ACOT11: variants seen among roughly 807,000 people sequenced by gnomAD.
ACOT11 encodes acyl-CoA thioesterase 11.
Under a neutral mutation model 77.5 loss-of-function variants are expected in ACOT11, and 69 were observed. The observed-to-expected ratio is 0.89, with a 90% CI of 0.73 to 1.09. The LOEUF is 1.09. ACOT11 is among the 50% of genes least tolerant of loss of function. The pLI is 0.00. For missense variants in ACOT11, 766 were observed against 813.7 expected (o/e 0.94, Z 0.71); for synonymous variants, 279 against 313.0 (o/e 0.89, Z 1.15).
intron 13 of ACOT11, among the ~76,000 whole-genome samples, chr1:54,605,850 A>G (rs565705246): frequency 1.5e-4 from 23 of 152,324 alleles, no homozygotes; most frequent in Non-Finnish European, 2.9e-4. Context: ...GGAAAATAGC[A>G]AAATTTGTGT....
chr1:54,616,406 C>T (rs1337293297), intron 15 of ACOT11, among the ~76,000 whole-genome samples: 1 of 151,934 alleles, frequency 6.6e-6, no homozygotes, highest in East Asian at 1.9e-4. Flanking sequence ...CTCTATCGCC[C>T]AGGCTGGAGT....
chr1:54,568,291 G>A (rs991087218), intron 1 of ACOT11, among the ~76,000 whole-genome samples: 11 of 146,984 alleles, frequency 7.5e-5, no homozygotes, highest in Admixed American at 2.7e-4. Flanking sequence ...CCCTCTTCTT[G>A]TTCCTCTTTT....
downstream of ACOT11, chr1:54,610,919 T>G: frequency 1.0e-6 from 1 of 985,388 alleles, no homozygotes; most frequent in Non-Finnish European, 1.2e-6. Context: ...ATGAGGGGTT[T>G]GGATAGTGGC....
chr1:54,592,669 A>G (rs1030215422), intron 4 of ACOT11, 63 bp downstream of exon 4: 97 of 1,555,452 alleles, frequency 6.2e-5, no homozygotes, highest in Non-Finnish European at 7.7e-5. Context: ...TCCTCTCTCC[A>G]TTCTTCTCCC....
exon 17 of ACOT11, chr1:54,635,750 G>C (rs1030117088): frequency 6.5e-6 from 1 of 153,792 alleles, no homozygotes; most frequent in Non-Finnish European, 1.4e-5. Context: ...CGACTCCTGC[G>C]AGAGTCTCTT....
At chr1:54,594,425 C>G (rs889679617) in intron 5 of ACOT11, 131 bp from the exon 6 acceptor site, 7 of 1,231,056 alleles carry the variant, frequency 5.7e-6, no homozygotes, top group Non-Finnish European at 7.8e-6. Flanking sequence ...AGGGAGGAAG[C>G]CTTGGAACTG....
At chr1:54,594,881 A>G (rs1033425402) in intron 6 of ACOT11, among the ~76,000 whole-genome samples, 190 bp downstream of exon 6, 7 of 152,170 alleles carry the variant, frequency 4.6e-5, no homozygotes, top group Non-Finnish European at 7.3e-5. Context: ...GGGCCTCTCT[A>G]CCAGCTCCCA....
chr1:54,623,176 T>TA (rs113750458), intron 15 of ACOT11: 43,434 of 636,954 alleles, frequency 0.068, 206 homozygotes, highest in East Asian at 0.11. Context: ...AAACTCCGTC[T>TA]AAAAAAAAAA....
intron 1 of ACOT11, among the ~76,000 whole-genome samples, chr1:54,569,144 T>G (rs1031126200): frequency 1.4e-5 from 2 of 139,930 alleles, no homozygotes; most frequent in African/African-American, 5.4e-5. Flanking sequence ...TTTTTTTTTG[T>G]AGAGATGGGA....
At chr1:54,619,436 G>A (rs1485554833) in intron 15 of ACOT11, among the ~76,000 whole-genome samples, 2 of 152,138 alleles carry the variant, frequency 1.3e-5, no homozygotes, top group Non-Finnish European at 2.9e-5. Context: ...CCTGTGAAAT[G>A]TTACCCATGA....
At chr1:54,638,085 G>C (rs950294096) in exon 17 of ACOT11, 1 of 152,046 alleles carries the variant, frequency 6.6e-6, no homozygotes, top group Non-Finnish European at 1.5e-5. Context: ...GCATCCTAAA[G>C]TGCTGGGATT....
chr1:54,569,492 C>G (rs1653862593), intron 1 of ACOT11, among the ~76,000 whole-genome samples: 1 of 152,152 alleles, frequency 6.6e-6, no homozygotes, highest in Admixed American at 6.5e-5. Context: ...ACTCCTTGTT[C>G]CCTCTGTTTT....
chr1:54,585,716 G>C, intron 2 of ACOT11, 119 bp from the exon 3 acceptor site: 1 of 878,224 alleles, frequency 1.1e-6, no homozygotes, highest in Non-Finnish European at 1.8e-6. Context: ...AGCAGGGTGT[G>C]GTGGGAGTTG....
chr1:54,593,273 ATTTTAT>A (rs1200864202), intron 4 of ACOT11, among the ~76,000 whole-genome samples: 1 of 151,634 alleles, frequency 6.6e-6, no homozygotes, highest in Non-Finnish European at 1.5e-5. Context: ...TTGATTTTTT[ATTTTAT>A]TTTTATTATT....
downstream of ACOT11, chr1:54,611,714 C>G (rs375572721): frequency 7.4e-6 from 12 of 1,614,066 alleles, no homozygotes; most frequent in African/African-American, 1.5e-4. Flanking sequence ...GACATGGGGT[C>G]CGAGGCAGCC....
intron 15 of ACOT11, among the ~76,000 whole-genome samples, chr1:54,622,649 A>G (rs80201858): frequency 0.016 from 2,403 of 151,436 alleles, 32 homozygotes; most frequent in South Asian, 0.022. Flanking sequence ...TGAGGCAGGA[A>G]AACCACTTAG....
chr1:54,574,583 C>T (rs1474347019), intron 1 of ACOT11, among the ~76,000 whole-genome samples: 1 of 152,210 alleles, frequency 6.6e-6, no homozygotes, highest in Non-Finnish European at 1.5e-5. Flanking sequence ...TCCCATTTTA[C>T]AGATGAGGAA....
chr1:54,609,219 C>G lies in ACOT11; in HGVS notation c.*107C>G, dbSNP rs368761147. 1 of 1,589,794 alleles carries G rather than the reference C, an allele frequency of 6.3e-7. No homozygotes were observed. The highest frequency in any genetic ancestry group is 8.6e-7 in the Non-Finnish European group (1 of 1,166,644). ...AGACCTTTATTTCTTCCTGCCTCCC[C>G]GTGGGAAGCCTCCGCCCTGAGGTCC... is the stretch of plus-strand genomic sequence containing the variant. On this transcript the variant is annotated 3_prime_UTR_variant, in exon 16 of 16. Coordinates refer to ENST00000343744, the MANE Select transcript of ACOT11 (RefSeq NM_147161.4).
chr1:54,606,442 T>C (rs1008973241), intron 13 of ACOT11, among the ~76,000 whole-genome samples: 1 of 152,162 alleles, frequency 6.6e-6, no homozygotes, highest in Non-Finnish European at 1.5e-5. Context: ...CATGCCTGCC[T>C]CTGTGTGGGT....
Sources: allele counts gnomAD v4.1 joint callset (sites outside exome capture counted in the v4.1 genomes callset), GRCh38; gene constraint gnomAD v4.1.1; transcripts MANE v1.5; gene names NCBI Gene and HGNC (gene_info 2026-07-23, HGNC 2026-07-21).